Variants in DTD1 observed in about 807,000 individuals in gnomAD.
The protein encoded by DTD1 is D-tyrosyl-tRNA deacylase 1 homolog.
Under a neutral mutation model 25.6 loss-of-function variants are expected in DTD1, and 13 were observed. The ratio of observed to expected loss-of-function variants is 0.51; its 90% confidence interval spans 0.33 to 0.81. The LOEUF (loss-of-function observed/expected upper bound fraction) is 0.81, where lower values mean the gene tolerates loss of function less well. Among genes scored for constraint, DTD1 ranks in the 30% least tolerant of loss-of-function variants. The pLI, the probability that DTD1 is intolerant of heterozygous loss-of-function variation, is 0.02. For missense variants in DTD1, 193 were observed against 266.4 expected, an observed-to-expected ratio of 0.72 and a Z score of 1.92; for synonymous variants, 110 against 103.6, an observed-to-expected ratio of 1.06 and a Z score of -0.37.
chr20:18,742,874 C>T (rs1476673630), intron 4 of DTD1, among the ~76,000 whole-genome samples: 2 of 152,180 alleles, frequency 1.3e-5, no homozygotes, highest in African/African-American at 2.4e-5. Flanking sequence ...GGATGTGGGG[C>T]AGGGACCAGC....
At chr20:18,589,107 T>C (rs2060578558) in intron 1 of DTD1, among the ~76,000 whole-genome samples, 1 of 152,072 alleles carries the variant, frequency 6.6e-6, no homozygotes, top group Non-Finnish European at 1.5e-5. Flanking sequence ...TCCCAGCTCT[T>C]TGGGAGGCCA....
At chr20:18,713,371 G>A (rs763560583) in intron 4 of DTD1, among the ~76,000 whole-genome samples, 9 of 152,198 alleles carry the variant, frequency 5.9e-5, no homozygotes, top group African/African-American at 1.9e-4. Flanking sequence ...TCTTCCCAGG[G>A]TTTCTATGCA....
chr20:18,696,795 A>C (rs1222246388), intron 4 of DTD1, among the ~76,000 whole-genome samples: 2 of 151,506 alleles, frequency 1.3e-5, no homozygotes, highest in Non-Finnish European at 2.9e-5. Context: ...CTCAGGTGAT[A>C]CGCCCACCTC....
chr20:18,734,784 T>C (rs1366225766), intron 4 of DTD1, among the ~76,000 whole-genome samples: 1 of 152,240 alleles, frequency 6.6e-6, no homozygotes, highest in Non-Finnish European at 1.5e-5. Flanking sequence ...CATTTGTTAC[T>C]GGTGGTAGTT....
intron 5 of DTD1, among the ~76,000 whole-genome samples, chr20:18,754,349 T>G (rs2061331272): frequency 6.6e-6 from 1 of 152,224 alleles, no homozygotes; most frequent in Admixed American, 6.5e-5. Flanking sequence ...TCCCCTAGCT[T>G]CTTTCATAAG....
chr20:18,685,239 G>C (rs974185216), intron 4 of DTD1, among the ~76,000 whole-genome samples: 1 of 152,164 alleles, frequency 6.6e-6, no homozygotes, highest in African/African-American at 2.4e-5. Context: ...AGGCTAGAAG[G>C]CTCCAGAGAT....
At chr20:18,703,624 T>C (rs569281730) in intron 4 of DTD1, among the ~76,000 whole-genome samples, 2 of 152,230 alleles carry the variant, frequency 1.3e-5, no homozygotes, top group East Asian at 3.9e-4. Context: ...AACTTGAAAT[T>C]ATTAATCTCC....
At chr20:18,608,354 A>G (rs920329610) in intron 3 of DTD1, among the ~76,000 whole-genome samples, 1 of 144,722 alleles carries the variant, frequency 6.9e-6, no homozygotes, top group African/African-American at 2.5e-5. Flanking sequence ...CCTATTGTCA[A>G]TTGATTTGTG....
intron 4 of DTD1, among the ~76,000 whole-genome samples, chr20:18,731,859 T>G (rs988128932): frequency 1.3e-5 from 2 of 152,226 alleles, no homozygotes; most frequent in Non-Finnish European, 2.9e-5. Flanking sequence ...TGTGTTCTTC[T>G]CTTTCTTTTC....
At position 18,654,345 on chromosome 20, in the gene DTD1, C is replaced by T. The variant is rs2060884557; in HGVS notation, c.477+26112C>T. Among the ~76,000 whole-genome samples the T allele has an allele frequency of 2.6e-5, 4 of 152,186 alleles. No individual in the cohort carries two copies. The South Asian group carries it at 8.3e-4, about 32-fold the overall frequency. ...GTGCCTTTGTTCCTTCCACTTCTGC[C>T]ATGATTGTGAGGCCTCCCTAGCCAT... On this transcript the variant is annotated intron_variant, in intron 4 of 5. Transcript: ENST00000377452.
chr20:18,631,084 C>A, intron 4 of DTD1: 1 of 985,428 alleles, frequency 1.0e-6, no homozygotes, highest in Non-Finnish European at 1.2e-6. Flanking sequence ...TCATTCACAG[C>A]AGACAGCTCT....
chr20:18,613,634 A>C (rs942348659), intron 3 of DTD1, among the ~76,000 whole-genome samples: 4 of 152,162 alleles, frequency 2.6e-5, no homozygotes, highest in African/African-American at 9.7e-5. Context: ...TTCATTTACC[A>C]GTTGTATATG....
intron 4 of DTD1, among the ~76,000 whole-genome samples, chr20:18,704,146 G>A (rs1568675098): frequency 6.6e-6 from 1 of 152,060 alleles, no homozygotes; most frequent in Non-Finnish European, 1.5e-5. Context: ...GACTACAGGT[G>A]CCTGCCACCA....
intron 4 of DTD1, among the ~76,000 whole-genome samples, chr20:18,743,518 ACT>A (rs1293894087): frequency 1.3e-5 from 2 of 151,682 alleles, no homozygotes; most frequent in East Asian, 3.9e-4. Flanking sequence ...ACATGGTGAA[ACT>A]CTGTTTCTAC....
intron 4 of DTD1, among the ~76,000 whole-genome samples, chr20:18,670,862 G>T (rs2060949363): frequency 6.6e-6 from 1 of 152,218 alleles, no homozygotes; most frequent in African/African-American, 2.4e-5. Flanking sequence ...CCTATTAACA[G>T]AAAAACGTGA....
intron 4 of DTD1, among the ~76,000 whole-genome samples, chr20:18,738,925 A>G (rs529412157): frequency 5.3e-5 from 8 of 152,376 alleles, no homozygotes; most frequent in Admixed American, 3.3e-4. Flanking sequence ...CACCCCATCA[A>G]CATTATGGTC....
chr20:18,593,640 A>G (rs902954362), intron 1 of DTD1, 91 bp from the exon 2 acceptor site: 4 of 844,262 alleles, frequency 4.7e-6, no homozygotes, highest in Non-Finnish European at 8.0e-6. Flanking sequence ...AGAAGTATGT[A>G]TGATGTTTAA....
chr20:18,628,238 G>T lies in DTD1; in HGVS notation c.477+5G>T. On this transcript the variant is annotated splice_donor_5th_base_variant and intron_variant, in intron 4 of 5. Transcript: ENST00000377452. ...GCTACCTCTGACCCAAAGCAGGTAA[G>T]CCTGGAGTCTGGTGCCTGGCTCCGT... 1 of 1,611,594 alleles carries T rather than the reference G, an allele frequency of 6.2e-7. No individual in the cohort carries two copies. Among genetic ancestry groups the T allele is most frequent in the Non-Finnish European group, 8.5e-7 (1 of 1,178,126 alleles).
chr20:18,649,695 C>T lies in DTD1; in HGVS notation c.477+21462C>T, dbSNP rs77248040. On this transcript the variant is annotated intron_variant, in intron 4 of 5. Coordinates refer to ENST00000377452, the MANE Select transcript of DTD1 (RefSeq NM_080820.6). ...GTGAGCTCTTGGGGCTTTCAACACC[C>T]CCTTACTCAGTTGTAGAAGTAACAC... 5.2e-3 allele frequency among the ~76,000 whole-genome samples: 792 copies of T among 152,202 alleles called. 6 individuals carry two copies. The highest frequency in any genetic ancestry group is 0.035 in the South Asian group (170 of 4,826).
Sources: allele counts gnomAD v4.1 joint callset (sites outside exome capture counted in the v4.1 genomes callset), GRCh38; gene constraint gnomAD v4.1.1; transcripts MANE v1.5; gene names NCBI Gene and HGNC (gene_info 2026-07-23, HGNC 2026-07-21).